SYNPO2: variants seen among roughly 807,000 people sequenced by gnomAD.
The protein encoded by SYNPO2 is synaptopodin 2, also known as synaptopodin-2.
Under a neutral mutation model 85.0 loss-of-function variants are expected in SYNPO2, and 56 were observed. That is an observed-to-expected ratio of 0.66 (90% CI 0.53 to 0.82). The LOEUF (loss-of-function observed/expected upper bound fraction) is 0.82. SYNPO2 is among the 40% of genes least tolerant of loss of function. SYNPO2 has a pLI of 0.00. For missense variants in SYNPO2, 1,575 were observed against 1,534.2 expected, an observed-to-expected ratio of 1.03 and a Z score of -0.44; for synonymous variants, 602 against 591.1, an observed-to-expected ratio of 1.02 and a Z score of -0.27.
chr4:118,941,388 T>C (rs964414491), intron 1 of SYNPO2, among the ~76,000 whole-genome samples: 1 of 152,210 alleles, frequency 6.6e-6, no homozygotes, highest in Non-Finnish European at 1.5e-5. Context: ...TGTCCAGCTC[T>C]TTCCTCACAA....
At chr4:118,900,681 CTCTCTCTCTCTCTCTCTCTCTCTATA>C (rs1467643658) in intron 1 of SYNPO2, among the ~76,000 whole-genome samples, 116 of 39,104 alleles carry the variant, frequency 3.0e-3, no homozygotes, top group Middle Eastern at 0.015. Context: ...CTCTCTCTCT[CTCTCTCTCTCTCTCTCTCTCTCTATA>C]TATATATATA....
chr4:118,966,093 G>A (rs1236602937), intron 1 of SYNPO2, among the ~76,000 whole-genome samples: 1 of 152,124 alleles, frequency 6.6e-6, no homozygotes, highest in Non-Finnish European at 1.5e-5. Context: ...TGGGATGGGA[G>A]ACTATTGTGG....
rs75532178 is a variant in SYNPO2, at chr4:118,890,252, C to T, written c.105+1111C>T. Among the ~76,000 whole-genome samples the T allele has an allele frequency of 3.2e-3, 481 of 150,966 alleles. 1 individual carries two copies. The highest frequency in any genetic ancestry group is 6.8e-3 in the Middle Eastern group (2 of 294). On this transcript the variant is annotated intron_variant, in intron 1 of 4. Transcript: ENST00000307142. ...TCCAGGCATCATATGTAAATCCTTT[C>T]GTAATGTGATGGTGGAATCCTGCCA...
At chr4:118,878,037 T>C (rs1425507040) in intron 1 of SYNPO2, among the ~76,000 whole-genome samples, 1 of 152,106 alleles carries the variant, frequency 6.6e-6, no homozygotes, top group Non-Finnish European at 1.5e-5. Flanking sequence ...ATAAAAAGAA[T>C]GAGATTATGT....
At chr4:119,000,624 A>C (rs1350067367) in intron 1 of SYNPO2, among the ~76,000 whole-genome samples, 1 of 152,200 alleles carries the variant, frequency 6.6e-6, no homozygotes, top group African/African-American at 2.4e-5. Context: ...GTTGTTTAAA[A>C]ATTTGTGCTG....
intron 1 of SYNPO2, among the ~76,000 whole-genome samples, chr4:118,969,163 T>TTATG (rs1735431935): frequency 1.3e-5 from 2 of 152,158 alleles, no homozygotes; most frequent in African/African-American, 4.8e-5. Flanking sequence ...TCTGGTGGGT[T>TTATG]ACCACTGTTT....
Position 118,976,124 on chromosome 4 carries a change from C to T in SYNPO2, c.106-47306C>T, listed in dbSNP as rs993307949. 3.3e-5 allele frequency among the ~76,000 whole-genome samples: 5 copies of T among 152,090 alleles called. No individual in the cohort carries two copies. The East Asian group carries it at 7.7e-4, about 23-fold the overall frequency. ...GTCTCACTGACTTCAAGAATGAAGCCGCGGACTCTCGCGGTGAGTGTTACA... is the reference window on the plus strand; with the variant it reads ...GTCTCACTGACTTCAAGAATGAAGCTGCGGACTCTCGCGGTGAGTGTTACA... On this transcript the variant is annotated intron_variant, in intron 1 of 4. Transcript: ENST00000307142.
At chr4:119,044,812 A>T (rs1427164199) in intron 4 of SYNPO2, among the ~76,000 whole-genome samples, 2 of 152,232 alleles carry the variant, frequency 1.3e-5, no homozygotes, top group East Asian at 3.8e-4. Flanking sequence ...AGTGGACAGA[A>T]AAGCAGTTAC....
At chr4:118,873,034 T>TTG (rs1003771969) in intron 1 of SYNPO2, among the ~76,000 whole-genome samples, 1 of 152,052 alleles carries the variant, frequency 6.6e-6, no homozygotes, top group Non-Finnish European at 1.5e-5. Flanking sequence ...TAGTATTCCA[T>TTG]TGTGTGTGTG....
intron 1 of SYNPO2, among the ~76,000 whole-genome samples, chr4:119,020,907 A>G (rs1488855818): frequency 1.3e-5 from 2 of 152,164 alleles, no homozygotes; most frequent in Non-Finnish European, 2.9e-5. Flanking sequence ...TAACAGCTAA[A>G]TGGATATTTT....
intron 1 of SYNPO2, among the ~76,000 whole-genome samples, chr4:119,013,817 T>C (rs1737420587): frequency 6.6e-6 from 1 of 152,216 alleles, no homozygotes; most frequent in South Asian, 2.1e-4. Context: ...AAATCACACA[T>C]GCATAAAAGA....
intron 1 of SYNPO2, among the ~76,000 whole-genome samples, chr4:118,914,086 T>A (rs1423579091): frequency 6.6e-6 from 1 of 152,054 alleles, no homozygotes; most frequent in African/African-American, 2.4e-5. Flanking sequence ...ATATGGATGG[T>A]GGGGTCAGGA....
At chr4:118,962,267 C>T (rs1735125926) in intron 1 of SYNPO2, among the ~76,000 whole-genome samples, 1 of 152,146 alleles carries the variant, frequency 6.6e-6, no homozygotes, top group Non-Finnish European at 1.5e-5. Flanking sequence ...GTCTCTGTAG[C>T]CCCAGGGTGA....
At position 119,033,753 on chromosome 4, in the gene SYNPO2, T is replaced by TA. The variant is rs560787924; in HGVS notation, c.3252+1733dup. On this transcript the variant is annotated intron_variant, in intron 4 of 4. Coordinates refer to ENST00000307142, the MANE Select transcript of SYNPO2 (RefSeq NM_133477.3). ...CTTTATCTGTTCAATGTCCATATTTTAAAAAAATCTTCCTTGTATGAGCTA... is the reference window on the plus strand; with the variant it reads ...CTTTATCTGTTCAATGTCCATATTTTAAAAAAAATCTTCCTTGTATGAGCTA... 1.8e-5 allele frequency: 18 copies of TA among 985,050 alleles called. No individual in the cohort carries two copies. The South Asian group carries it at 3.8e-4, about 21-fold the overall frequency. The allele number at this position is 985,050 out of a possible 1,614,324, so 61.0% of individuals were successfully genotyped here.
intron 4 of SYNPO2, chr4:119,033,072 A>G (rs1158492185): frequency 1.0e-6 from 1 of 985,264 alleles, no homozygotes; most frequent in African/African-American, 1.7e-5. Context: ...CAGGACGCAC[A>G]TAAAGGTGTA....
rs1343221870 is a variant in SYNPO2, at chr4:119,031,165, C to T, written c.2390C>T (p.Pro797Leu). The T allele has an allele frequency of 3.1e-6, 5 of 1,614,060 alleles. No individual in the cohort carries two copies. The highest frequency in any genetic ancestry group is 4.2e-6 in the Non-Finnish European group (5 of 1,180,044). Residue 797 changes from proline to leucine, a missense_variant, in exon 4 of 5, where the codon CCA becomes CTA. By Grantham distance (98) the Pro-to-Leu change is moderately conservative (BLOSUM62 -3). This residue lies in a region of SYNPO2 where 1,508 missense variants were observed against 1,446.8 expected (regional missense o/e 1.04). Transcript: ENST00000307142. ...CCTCCTGCCTTCCCCACATCCAACC[C>T]ATCAAAGGGCACCGTTGTCTCCTCC... ...TQPPAFPTSN[P>L]SKGTVVSSIK...
At chr4:118,952,544 CTAAT>C (rs1258161263) in intron 1 of SYNPO2, among the ~76,000 whole-genome samples, 7 of 152,032 alleles carry the variant, frequency 4.6e-5, no homozygotes, top group Non-Finnish European at 5.9e-5. Flanking sequence ...TGAATTAACT[CTAAT>C]TAATTTTATA....
rs1735649970 is a variant in SYNPO2, at chr4:118,974,462, AC to A, written c.106-48967del. On this transcript the variant is annotated intron_variant, in intron 1 of 4. Transcript: ENST00000307142. ...TGCCAGATTAGGTTTGACTTCCCTC[AC>A]AGTTCACTTGTCCACACCTATGACT... is the stretch of plus-strand genomic sequence containing the variant. 2.0e-5 allele frequency among the ~76,000 whole-genome samples: 3 copies of A among 152,320 alleles called. No individual in the cohort carries two copies. The South Asian group carries it at 6.2e-4, about 32-fold the overall frequency.
chr4:118,864,015 G>A (rs1006324653), intron 1 of SYNPO2, among the ~76,000 whole-genome samples: 4 of 152,114 alleles, frequency 2.6e-5, no homozygotes, highest in Non-Finnish European at 5.9e-5. Context: ...GTTTGCTCTT[G>A]TTTTTCCAGT....
Sources: allele counts gnomAD v4.1 joint callset (sites outside exome capture counted in the v4.1 genomes callset), GRCh38; gene constraint gnomAD v4.1.1; regional missense constraint gnomAD v4.1.1; transcripts MANE v1.5; gene names NCBI Gene and HGNC (gene_info 2026-07-23, HGNC 2026-07-21).